Variants in RIOK1 observed in about 807,000 individuals in gnomAD.
RIOK1 encodes RIO kinase 1, also known as serine/threonine-protein kinase RIO1.
RIOK1 carries 66 observed loss-of-function variants against 73.5 expected under a neutral mutation model. That is an observed-to-expected ratio of 0.90 (90% CI 0.74 to 1.10). The LOEUF (loss-of-function observed/expected upper bound fraction) is 1.10, where lower values mean the gene tolerates loss of function less well. Among genes scored for constraint, RIOK1 ranks in the 50% least tolerant of loss-of-function variants. The pLI, the probability that RIOK1 is intolerant of heterozygous loss-of-function variation, is 0.00. For missense variants in RIOK1, 658 were observed against 699.8 expected (o/e 0.94, Z 0.67); for synonymous variants, 224 against 226.8 (o/e 0.99, Z 0.11).
At chr6:7,396,581 T>C in intron 3 of RIOK1, 122 bp from the exon 4 acceptor site, 2 of 553,076 alleles carry the variant, frequency 3.6e-6, no homozygotes, top group Non-Finnish European at 6.5e-6. Context: ...GTATTCTATT[T>C]ACAATAAAAC....
chr6:7,408,209 G>C (rs922791623), intron 12 of RIOK1, among the ~76,000 whole-genome samples: 2 of 152,090 alleles, frequency 1.3e-5, no homozygotes, highest in African/African-American at 4.8e-5. Context: ...GCTAATTTTT[G>C]TATTTTTGTA....
chr6:7,408,793 C>T (rs188084149), intron 12 of RIOK1, among the ~76,000 whole-genome samples: 234 of 150,830 alleles, frequency 1.6e-3, no homozygotes, highest in Middle Eastern at 0.014. Flanking sequence ...GCAATCTCGG[C>T]TCACTGCAAC....
rs114626881 is a variant in RIOK1, at chr6:7,393,262, C to G, written c.235C>G (p.Leu79Val). The G allele has an allele frequency of 7.9e-5, 128 of 1,614,058 alleles. No homozygotes were observed. Among genetic ancestry groups the G allele is most frequent in the Non-Finnish European group, 1.0e-4 (122 of 1,180,002 alleles). ...GGACTGGGATGAAGGAGTTGGAAAA[C>G]TCGCCAAGGGTTATGTCTGGAATGG... is the stretch of plus-strand genomic sequence containing the variant. ...DWDWDEGVGK[L>V]AKGYVWNGGS... Residue 79 changes from leucine (L) to valine (V), a missense_variant, in exon 2 of 17, where the codon CTC (leucine) becomes GTC (valine). Transcript: ENST00000379834.
At chr6:7,405,866 A>G (rs1230351462) in intron 12 of RIOK1, among the ~76,000 whole-genome samples, 3 of 149,970 alleles carry the variant, frequency 2.0e-5, no homozygotes, top group African/African-American at 7.4e-5. Flanking sequence ...GCAAGATTAC[A>G]TAGACTGTCA....
intron 12 of RIOK1, among the ~76,000 whole-genome samples, chr6:7,408,589 G>A (rs1272093458): frequency 6.6e-6 from 1 of 152,154 alleles, no homozygotes; most frequent in African/African-American, 2.4e-5. Flanking sequence ...AACTTTTATG[G>A]AACAGGAGTT....
At chr6:7,393,409 A>G in intron 2 of RIOK1, 106 bp downstream of exon 2, 2 of 918,244 alleles carry the variant, frequency 2.2e-6, no homozygotes, top group South Asian at 1.5e-5. Context: ...GATTTTCTTC[A>G]TGTTATATTG....
intron 12 of RIOK1, among the ~76,000 whole-genome samples, chr6:7,409,291 C>G (rs1487099568): frequency 6.6e-6 from 1 of 150,888 alleles, no homozygotes; most frequent in Admixed American, 6.6e-5. Context: ...GTCTGGCTCT[C>G]TCACCCATGC....
chr6:7,406,076 C>T (rs1434919411), intron 12 of RIOK1, among the ~76,000 whole-genome samples: 1 of 151,786 alleles, frequency 6.6e-6, no homozygotes, highest in African/African-American at 2.4e-5. Flanking sequence ...TGGTTCACTG[C>T]AACCTCTGCC....
In RIOK1 at chr6:7,403,029, G is replaced by A; in HGVS notation, c.767+132G>A. Reference sequence around the variant, plus strand: ...TAGGGCCTTTATTTCTATTAGGTCTGCTGAAGTAAGCAGAAGAAACACATG... The same window carrying A: ...TAGGGCCTTTATTTCTATTAGGTCTACTGAAGTAAGCAGAAGAAACACATG... On this transcript the variant is annotated intron_variant, in intron 8 of 16. Transcript: ENST00000379834. 5 of 641,302 alleles carry A rather than the reference G, an allele frequency of 7.8e-6. No homozygotes were observed. The East Asian group carries it at 1.4e-4, about 18-fold the overall frequency. 39.7% of individuals were successfully genotyped at this position (641,302 alleles called of 1,614,324 possible).
intron 3 of RIOK1, 25 bp downstream of exon 3, chr6:7,395,168 G>A: frequency 6.3e-7 from 1 of 1,594,844 alleles, no homozygotes; most frequent in South Asian, 1.1e-5. Context: ...TACATCACTG[G>A]GCTAAGAGGA....
rs1049661050 is a variant in RIOK1 at position 7,405,442 on chromosome 6, T to G, written c.1203+87T>G. ...CAAGTGCTTGGGACCAGAAGTGTTT[T>G]GGATTTTGGATTTTTTCCAGTTTTG... On this transcript the variant is annotated intron_variant, in intron 12 of 16. Coordinates refer to ENST00000379834, the MANE Select transcript of RIOK1 (RefSeq NM_031480.3). The G allele has an allele frequency of 3.9e-6, 3 of 767,806 alleles. No homozygotes were observed. In the Admixed American group the frequency reaches 8.2e-5, roughly 21 times the overall value. The allele number at this position is 767,806 out of a possible 1,614,324, so 47.6% of individuals were successfully genotyped here.
intron 8 of RIOK1, among the ~76,000 whole-genome samples, 168 bp downstream of exon 8, chr6:7,403,065 T>C (rs1422685620): frequency 2.0e-5 from 3 of 152,234 alleles, no homozygotes; most frequent in Non-Finnish European, 4.4e-5. Flanking sequence ...TCTGGACAAA[T>C]AGAGATTGTT....
intron 16 of RIOK1, among the ~76,000 whole-genome samples, chr6:7,416,643 C>CA (rs34401192): frequency 0.13 from 14,990 of 113,460 alleles, 1,218 homozygotes; most frequent in East Asian, 0.32. Context: ...GACTCCGTCT[C>CA]AAAAAAAAAA....
intron 4 of RIOK1, among the ~76,000 whole-genome samples, chr6:7,397,005 T>A (rs1761491907): frequency 6.6e-6 from 1 of 152,176 alleles, no homozygotes. Context: ...GGCTCATGCC[T>A]GTAATCCCAT....
chr6:7,390,538 T>C (rs536138456), intron 1 of RIOK1, among the ~76,000 whole-genome samples: 1 of 152,220 alleles, frequency 6.6e-6, no homozygotes, highest in East Asian at 1.9e-4. Context: ...ACTATGCAAA[T>C]CGTTTGATAT....
At chr6:7,404,604 C>A in intron 10 of RIOK1, 49 bp downstream of exon 10, 5 of 1,587,554 alleles carry the variant, frequency 3.1e-6, no homozygotes, top group Non-Finnish European at 4.3e-6. Context: ...GTTTCGTGTC[C>A]TTTAAAATGA....
In RIOK1 at chr6:7,395,060, G is replaced by T; in HGVS notation, c.284G>T (p.Arg95Leu). 1 of 1,613,834 alleles carries T rather than the reference G, an allele frequency of 6.2e-7. No individual in the cohort carries two copies. Among genetic ancestry groups the T allele is most frequent in the Non-Finnish European group, 8.5e-7 (1 of 1,179,838 alleles). ...WNGGSNPQANRQTSDSSSAKM... is the reference protein window; with the variant it reads ...WNGGSNPQANLQTSDSSSAKM... ...TCTGGAATTCCCTTCTAGGCAAATC[G>T]ACAGACCTCCGACAGCAGTTCAGCC... The change falls in exon 3 of 17, where the codon CGA becomes CTA. Residue 95 changes from arginine to leucine, a missense_variant. By Grantham distance (102) the Arg-to-Leu change is moderately radical (BLOSUM62 -2). Coordinates refer to ENST00000379834, the MANE Select transcript of RIOK1 (RefSeq NM_031480.3).
chr6:7,412,991 G>T, intron 15 of RIOK1, 49 bp downstream of exon 15: 1 of 1,027,732 alleles, frequency 9.7e-7, no homozygotes, highest in South Asian at 1.6e-5. Context: ...CAGTTTTAAA[G>T]GATATAAACT....
chr6:7,414,272 G>A lies in RIOK1; in HGVS notation c.1478G>A (p.Arg493Lys). 1 of 1,613,494 alleles carries A rather than the reference G, an allele frequency of 6.2e-7. No homozygotes were observed. The highest frequency in any genetic ancestry group is 2.2e-5 in the East Asian group (1 of 44,862). The change falls in exon 16 of 17, where the codon AGG becomes AAG. Residue 493 changes from arginine to lysine, a missense_variant. Arg to Lys is a conservative substitution (Grantham distance 26). Coordinates refer to ENST00000379834, the MANE Select transcript of RIOK1 (RefSeq NM_031480.3). The stretch of plus-strand genomic sequence containing the variant: ...CTCCTAGAAAATCAAGTGGAGGAAA[G>A]GACTTGTTCTGATTCAGAAGATATT... ...PALLENQVEE[R>K]TCSDSEDIGS...
Sources: gnomAD v4.1 joint callset for allele counts (sites outside exome capture counted in the v4.1 genomes callset) on GRCh38, gnomAD v4.1.1 for gene constraint, MANE v1.5 for transcripts, NCBI Gene and HGNC (gene_info 2026-07-23, HGNC 2026-07-21) for gene names.